Variants in MIR2052HG observed in about 807,000 individuals in gnomAD.
The protein encoded by MIR2052HG is MIR2052 host gene.
chr8:74,604,452 G>C (rs914772085), intron 1 of MIR2052HG, among the ~76,000 whole-genome samples: 39 of 127,920 alleles, frequency 3.0e-4, no homozygotes, highest in African/African-American at 1.1e-3. Flanking sequence ...GAGGAAGGTG[G>C]GGTGGAGGAG....
chr8:74,727,987 T>C (rs1388789696), intron 4 of MIR2052HG, among the ~76,000 whole-genome samples: 1 of 150,798 alleles, frequency 6.6e-6, no homozygotes, highest in Non-Finnish European at 1.5e-5. Context: ...CCAAATGGCT[T>C]GGCTGCTTCT....
At chr8:74,604,132 T>G in intron 1 of MIR2052HG, 6 of 893,384 alleles carry the variant, frequency 6.7e-6, no homozygotes, top group Non-Finnish European at 1.1e-5. Context: ...CTCGCGCATC[T>G]TCTTAACTGA....
chr8:74,747,610 C>T (rs1809900601), intron 4 of MIR2052HG, among the ~76,000 whole-genome samples: 1 of 152,084 alleles, frequency 6.6e-6, no homozygotes, highest in Non-Finnish European at 1.5e-5. Flanking sequence ...CTTTACTTAC[C>T]TGACCAATGA....
chr8:74,674,876 A>G (rs537389844), intron 2 of MIR2052HG, among the ~76,000 whole-genome samples: 2 of 151,938 alleles, frequency 1.3e-5, no homozygotes, highest in South Asian at 4.1e-4. Flanking sequence ...CTACTTGGAA[A>G]CTTGGAAACT....
chr8:74,723,567 C>A (rs980334142), intron 4 of MIR2052HG, among the ~76,000 whole-genome samples: 15 of 151,966 alleles, frequency 9.9e-5, no homozygotes, highest in African/African-American at 3.4e-4. Context: ...TGGGAAATAT[C>A]CACCTTAGAA....
intron 2 of MIR2052HG, among the ~76,000 whole-genome samples, chr8:74,619,312 G>A (rs998093481): frequency 3.3e-5 from 5 of 152,040 alleles, no homozygotes; most frequent in African/African-American, 1.2e-4. Flanking sequence ...AATAGCCAAA[G>A]CAATCTACAG....
intron 4 of MIR2052HG, among the ~76,000 whole-genome samples, chr8:74,717,648 T>C (rs1809533465): frequency 6.6e-6 from 1 of 152,018 alleles, no homozygotes; most frequent in East Asian, 1.9e-4. Flanking sequence ...CAAAACCTCA[T>C]GTCTACAAAA....
At chr8:74,745,104 A>T (rs190976716) in intron 4 of MIR2052HG, among the ~76,000 whole-genome samples, 88 of 152,170 alleles carry the variant, frequency 5.8e-4, no homozygotes, top group Non-Finnish European at 1.1e-3. Context: ...ACAAAAAAAA[A>T]TGTGAAAAAA....
chr8:74,603,429 T>C (rs879025358), intron 1 of MIR2052HG: 44 of 1,608,262 alleles, frequency 2.7e-5, no homozygotes, highest in South Asian at 5.5e-5. Flanking sequence ...TTTTGATCTG[T>C]GCCCCAGACA....
At chr8:74,722,162 C>CA (rs1165715052) in intron 4 of MIR2052HG, among the ~76,000 whole-genome samples, 1 of 152,022 alleles carries the variant, frequency 6.6e-6, no homozygotes, top group East Asian at 1.9e-4. Context: ...GGGCAACAGA[C>CA]AGAGTAAAGC....
intron 2 of MIR2052HG, among the ~76,000 whole-genome samples, chr8:74,683,334 C>T (rs1299408154): frequency 6.6e-6 from 1 of 151,358 alleles, no homozygotes; most frequent in African/African-American, 2.5e-5. Context: ...TTCATTAAGT[C>T]ACTCTGTATC....
chr8:74,625,167 T>C (rs1808418518), intron 2 of MIR2052HG: 1 of 152,168 alleles, frequency 6.6e-6, no homozygotes, highest in Non-Finnish European at 1.5e-5. Context: ...CAAGTGGTCC[T>C]CCTGACTCAG....
At chr8:74,745,371 AT>A (rs1164827811) in intron 4 of MIR2052HG, among the ~76,000 whole-genome samples, 1 of 152,236 alleles carries the variant, frequency 6.6e-6, no homozygotes, top group Non-Finnish European at 1.5e-5. Context: ...GTAAATAAGC[AT>A]TGATTTATTA....
chr8:74,604,583 CTTTTTTTTTTTTT>C (rs35641908), intron 1 of MIR2052HG, among the ~76,000 whole-genome samples: 7 of 50,008 alleles, frequency 1.4e-4, no homozygotes, highest in Non-Finnish European at 2.5e-4. Flanking sequence ...TGTTTCTTTA[CTTTTTTTTTTTTT>C]TTTTTTTTTT....
At chr8:74,682,998 TATG>T (rs1242471798) in intron 2 of MIR2052HG, among the ~76,000 whole-genome samples, 1 of 152,150 alleles carries the variant, frequency 6.6e-6, no homozygotes, top group African/African-American at 2.4e-5. Flanking sequence ...CTGTATACAG[TATG>T]ATATCACTTT....
chr8:74,752,570 CT>C, intron 5 of MIR2052HG: 1 of 451,942 alleles, frequency 2.2e-6, no homozygotes, highest in Non-Finnish European at 4.4e-6. Context: ...GACTTTTCAG[CT>C]CTTTTCAATA....
intron 1 of MIR2052HG, among the ~76,000 whole-genome samples, chr8:74,610,725 A>T (rs1035920147): frequency 6.6e-6 from 1 of 152,064 alleles, no homozygotes; most frequent in Admixed American, 6.5e-5. Flanking sequence ...AAGGCAATTC[A>T]GTGGAGAACA....
intron 2 of MIR2052HG, among the ~76,000 whole-genome samples, chr8:74,662,052 T>C (rs1378514414): frequency 6.6e-6 from 1 of 152,164 alleles, no homozygotes; most frequent in Non-Finnish European, 1.5e-5. Flanking sequence ...ACCCTACCTT[T>C]AGGCATAGTT....
chr8:74,602,382 T>G (rs1052583181), intron 1 of MIR2052HG, among the ~76,000 whole-genome samples: 1 of 152,190 alleles, frequency 6.6e-6, no homozygotes, highest in African/African-American at 2.4e-5. Flanking sequence ...GTTCCAGAGA[T>G]TGCCTGCCCC....
Sources: allele counts gnomAD v4.1 joint callset (sites outside exome capture counted in the v4.1 genomes callset), GRCh38; gene constraint gnomAD v4.1.1; transcripts MANE v1.5; gene names NCBI Gene and HGNC (gene_info 2026-07-23, HGNC 2026-07-21).